ROBO2: variants seen among roughly 807,000 people sequenced by gnomAD.
ROBO2 encodes roundabout homolog 2.
In ROBO2, 53 loss-of-function variants were observed where a neutral mutation model predicts 160.8. The observed-to-expected ratio is 0.33, with a 90% confidence interval of 0.26 to 0.41. The LOEUF (loss-of-function observed/expected upper bound fraction) is 0.41. Among genes scored for constraint, ROBO2 ranks in the 10% least tolerant of loss-of-function variants. ROBO2 has a pLI of 1.00. For missense variants in ROBO2, 1,577 were observed against 1,722.4 expected, an observed-to-expected ratio of 0.92 and a Z score of 1.49; for synonymous variants, 664 against 611.7, an observed-to-expected ratio of 1.09 and a Z score of -1.26.
intron 2 of ROBO2, among the ~76,000 whole-genome samples, chr3:76,566,265 A>G (rs543115293): frequency 5.3e-5 from 8 of 152,284 alleles, no homozygotes; most frequent in African/African-American, 1.9e-4. Flanking sequence ...TATTTGCTCA[A>G]TGTTGAAGCT....
chr3:76,209,462 A>G (rs923625436), intron 2 of ROBO2, among the ~76,000 whole-genome samples: 1 of 152,144 alleles, frequency 6.6e-6, no homozygotes, highest in Non-Finnish European at 1.5e-5. Flanking sequence ...ATATCGAATA[A>G]TTTATCTGTA....
At chr3:77,614,722 AAACCAACCAACCAACCAACC>A (rs71709284) in intron 21 of ROBO2, among the ~76,000 whole-genome samples, 1 of 149,192 alleles carries the variant, frequency 6.7e-6, no homozygotes, top group Non-Finnish European at 1.5e-5. Flanking sequence ...TTCCCCCAAA[AAACCAACCAACCAACCAACC>A]AACCAACCAA....
At chr3:77,304,863 CAGTT>C (rs1301834793) in intron 2 of ROBO2, among the ~76,000 whole-genome samples, 17 of 152,142 alleles carry the variant, frequency 1.1e-4, no homozygotes, top group African/African-American at 2.4e-4. Flanking sequence ...TGTGACGTGT[CAGTT>C]AGGGAGAGCG....
Position 76,627,946 on chromosome 3 carries a change from C to A in ROBO2, c.110-470068C>A, listed in dbSNP as rs1578678696. On this transcript the variant is annotated intron_variant, in intron 2 of 26. Coordinates refer to the ROBO2 transcript ENST00000487694. ...AACTAAGTCTAGAAACAAATGAATACCCAAAAATGGCAGGAATGGTTGATG... is the reference window on the plus strand; with the variant it reads ...AACTAAGTCTAGAAACAAATGAATAACCAAAAATGGCAGGAATGGTTGATG... 2.0e-5 allele frequency among the ~76,000 whole-genome samples: 3 copies of A among 151,914 alleles called. No homozygotes were observed. The Middle Eastern group carries it at 0.01, about 517-fold the overall frequency.
At chr3:76,167,196 C>T (rs73116896) in intron 2 of ROBO2, among the ~76,000 whole-genome samples, 3,226 of 152,222 alleles carry the variant, frequency 0.021, 64 homozygotes, top group Non-Finnish European at 0.037. Flanking sequence ...CTGCCTCAGC[C>T]ATCTAAAGTG....
At chr3:76,186,182 C>T (rs1701755257) in intron 2 of ROBO2, among the ~76,000 whole-genome samples, 1 of 152,000 alleles carries the variant, frequency 6.6e-6, no homozygotes, top group Admixed American at 6.6e-5. Flanking sequence ...ATCCACCCAC[C>T]TCAGCCTCCC....
chr3:77,317,922 G>A (rs1319748541), intron 2 of ROBO2, among the ~76,000 whole-genome samples: 2 of 142,320 alleles, frequency 1.4e-5, no homozygotes, highest in African/African-American at 5.1e-5. Flanking sequence ...GGGCTGCTAG[G>A]GGGGCTGCGG....
intron 2 of ROBO2, among the ~76,000 whole-genome samples, chr3:76,500,332 T>C (rs2080390817): frequency 6.6e-6 from 1 of 152,190 alleles, no homozygotes; most frequent in Admixed American, 6.5e-5. Flanking sequence ...TTGCCCAGGC[T>C]GGTCTCCAAC....
rs1297633287 is a variant in ROBO2 at position 77,146,443 on chromosome 3, T to G, written c.388+48103T>G. Among the ~76,000 whole-genome samples, 3 of 152,076 alleles carry G rather than the reference T, an allele frequency of 2.0e-5. No individual in the cohort carries two copies. The East Asian group carries it at 5.8e-4, about 29-fold the overall frequency. ...AATCATTTTTTTCCCCTTTTAAAGT[T>G]GAATGGGGTGGGTGATTATTAAGAC... On this transcript the variant is annotated intron_variant, in intron 2 of 25. Coordinates refer to ENST00000461745, the Ensembl canonical transcript of ROBO2.
chr3:76,924,936 C>T (rs1282489567), intron 2 of ROBO2, among the ~76,000 whole-genome samples: 1 of 152,136 alleles, frequency 6.6e-6, no homozygotes, highest in Non-Finnish European at 1.5e-5. Context: ...CGGCCGGGCG[C>T]GGTGGCTCAC....
At chr3:76,961,326 T>G (rs2079647536) in intron 2 of ROBO2, among the ~76,000 whole-genome samples, 1 of 147,422 alleles carries the variant, frequency 6.8e-6, no homozygotes, top group Admixed American at 6.8e-5. Context: ...AAATCCAATA[T>G]ATAATAGGTA....
intron 2 of ROBO2, among the ~76,000 whole-genome samples, chr3:76,065,176 G>A (rs903555918): frequency 2.2e-4 from 33 of 152,052 alleles, no homozygotes; most frequent in African/African-American, 6.3e-4. Context: ...CACAGGGTCC[G>A]TATCTCTCCG....
intron 2 of ROBO2, among the ~76,000 whole-genome samples, chr3:77,205,458 T>TG (rs1203321218): frequency 5.3e-5 from 8 of 151,998 alleles, no homozygotes; most frequent in Non-Finnish European, 1.0e-4. Context: ...TCCATCTCCT[T>TG]GCCTCCTTCT....
chr3:76,939,441 A>C (rs1367297521), intron 2 of ROBO2, among the ~76,000 whole-genome samples: 1 of 152,122 alleles, frequency 6.6e-6, no homozygotes, highest in Non-Finnish European at 1.5e-5. Flanking sequence ...TTCTTGTGAA[A>C]TTTTCTTTTT....
chr3:76,676,604 A>G (rs1372072271), intron 2 of ROBO2, among the ~76,000 whole-genome samples: 3 of 152,068 alleles, frequency 2.0e-5, no homozygotes, highest in Non-Finnish European at 4.4e-5. Flanking sequence ...AAATGAGCTG[A>G]AGCAACCTCA....
intron 2 of ROBO2, among the ~76,000 whole-genome samples, chr3:76,659,485 C>G (rs1442483084): frequency 6.6e-6 from 1 of 151,732 alleles, no homozygotes; most frequent in Non-Finnish European, 1.5e-5. Context: ...GTATATTGCT[C>G]TGTATTCTGT....
chr3:76,417,821 C>G (rs377038498), intron 2 of ROBO2, among the ~76,000 whole-genome samples: 1 of 151,984 alleles, frequency 6.6e-6, no homozygotes, highest in Non-Finnish European at 1.5e-5. Flanking sequence ...TGTCTAATCA[C>G]TTTGAAACAG....
chr3:76,486,841 A>G (rs565553216), intron 2 of ROBO2, among the ~76,000 whole-genome samples: 2 of 152,258 alleles, frequency 1.3e-5, no homozygotes, highest in Admixed American at 1.3e-4. Flanking sequence ...AAGGCCTATG[A>G]GGTTTCCTTT....
chr3:77,098,154 G>A (rs2150074574), exon 2 of ROBO2: 1 of 1,614,200 alleles, frequency 6.2e-7, no homozygotes, highest in East Asian at 2.2e-5. Context: ...GTACAAAGAT[G>A]GGGAGCGAGT....
Sources: gnomAD v4.1 joint callset for allele counts (sites outside exome capture counted in the v4.1 genomes callset) on GRCh38, gnomAD v4.1.1 for gene constraint, MANE v1.5 for transcripts, NCBI Gene and HGNC (gene_info 2026-07-23, HGNC 2026-07-21) for gene names.